The following NLRP6 variants were observed in gnomAD, a reference collection of about 807,000 sequenced individuals.
NLRP6 encodes the protein NACHT, LRR and PYD domains-containing protein 6.
Under a neutral mutation model 70.9 loss-of-function variants are expected in NLRP6, and 55 were observed. That is an observed-to-expected ratio of 0.78 (90% CI 0.62 to 0.97). The LOEUF (loss-of-function observed/expected upper bound fraction) is 0.97, where lower values mean the gene tolerates loss of function less well. NLRP6 is among the 50% of genes least tolerant of loss of function. The pLI is 0.00. For missense variants in NLRP6, 1,241 were observed against 1,238.3 expected, an observed-to-expected ratio of 1.00 and a Z score of -0.03; for synonymous variants, 652 against 581.9, an observed-to-expected ratio of 1.12 and a Z score of -1.73.
chr11:278,610 C>T lies in NLRP6; in HGVS notation c.29+12C>T. 6.3e-7 allele frequency: 1 copy of T among 1,580,936 alleles called. No individual in the cohort carries two copies. Among genetic ancestry groups the T allele is most frequent in the Non-Finnish European group, 8.6e-7 (1 of 1,164,732 alleles). On this transcript the variant is annotated intron_variant, in intron 1 of 7. Coordinates refer to ENST00000534750, the MANE Select transcript of NLRP6 (RefSeq NM_001276700.2). This position sits in a 1 kb window ranked among gnomAD's most constrained non-coding sequence, Gnocchi z 4.7. The stretch of plus-strand genomic sequence containing the variant: ...GCCCCCTGCTCCAGGTGAGTGCTGG[C>T]CCCAGGGTGGTCACTGGGAACCGGC...
Position 281,424 on chromosome 11 carries a change from G to C in NLRP6, c.1690G>C (p.Gly564Arg), listed in dbSNP as rs1180578843. Residue 564 changes from glycine (G) to arginine (R), a missense_variant, in exon 4 of 8, where the codon GGC (glycine) becomes CGC (arginine). By Grantham distance (125) the Gly-to-Arg change is moderately radical. Transcript: ENST00000534750. ...ERMRDIERHF[G>R]CMVSERVKQE... ...GATGCGCGACATCGAGCGCCACTTC[G>C]GCTGCATGGTTTCAGAGCGTGTGAA... 6.2e-7 allele frequency: 1 copy of C among 1,607,992 alleles called. No individual in the cohort carries two copies. The highest frequency in any genetic ancestry group is 2.2e-5 in the East Asian group (1 of 44,832).
Position 284,549 on chromosome 11 carries a change from C to G in NLRP6, c.2444C>G (p.Thr815Ser). 2 of 1,612,862 alleles carry G rather than the reference C, an allele frequency of 1.2e-6. No individual in the cohort carries two copies. ...CTTCGGCAGAGCCCTGCCCTGACCACCCTGGATCTCAGCGGCTGCCAACTG... is the reference window on the plus strand; with the variant it reads ...CTTCGGCAGAGCCCTGCCCTGACCAGCCTGGATCTCAGCGGCTGCCAACTG... ...GMLRQSPALT[T>S]LDLSGCQLPA... is the part of the protein sequence containing the mutation. The change falls in exon 7 of 8, where the codon ACC becomes AGC. Residue 815 changes from threonine to serine, a missense_variant. Transcript: ENST00000534750.
Position 284,328 on chromosome 11 carries a change from G to C in NLRP6, c.2297G>C (p.Arg766Thr), listed in dbSNP as rs142448057. The C allele has an allele frequency of 3.4e-4, 542 of 1,612,054 alleles. 3 individuals are homozygous for C. In the African/African-American group the frequency reaches 6.0e-3, roughly 18 times the overall value. Residue 766 changes from arginine to threonine, a missense_variant, in exon 6 of 8, where the codon AGG becomes ACG. By Grantham distance (71) the Arg-to-Thr change is moderately conservative. Coordinates refer to ENST00000534750, the MANE Select transcript of NLRP6 (RefSeq NM_001276700.2). ...ALTELGLLHNRLSEAGLRMLS... is the reference protein window; with the variant it reads ...ALTELGLLHNTLSEAGLRMLS... Reference sequence around the variant, plus strand: ...ACGGAGCTGGGCCTCCTCCACAACAGGCTCAGTGAGGCGGGACTGCGTATG... The same window carrying C: ...ACGGAGCTGGGCCTCCTCCACAACACGCTCAGTGAGGCGGGACTGCGTATG...
chr11:278,620 G>A lies in NLRP6; in HGVS notation c.29+22G>A. The A allele has an allele frequency of 6.4e-7, 1 of 1,573,372 alleles. No individual in the cohort carries two copies. The highest frequency in any genetic ancestry group is 8.6e-7 in the Non-Finnish European group (1 of 1,160,840). ...CCAGGTGAGTGCTGGCCCCAGGGTG[G>A]TCACTGGGAACCGGCTGGTCTCAGC... is the stretch of plus-strand genomic sequence containing the variant. On this transcript the variant is annotated intron_variant, in intron 1 of 7. Coordinates refer to ENST00000534750, the MANE Select transcript of NLRP6 (RefSeq NM_001276700.2). The surrounding 1 kb of genome is among the most constrained non-coding windows in gnomAD (Gnocchi z 4.7).
At position 280,116 on chromosome 11, in the gene NLRP6, C is replaced by A; in HGVS notation, c.382C>A (p.Gln128Lys). The A allele has an allele frequency of 6.5e-7, 1 of 1,529,706 alleles. No homozygotes were observed. The highest frequency in any genetic ancestry group is 8.8e-7 in the Non-Finnish European group (1 of 1,140,448). 94.8% of individuals were successfully genotyped at this position (1,529,706 alleles called of 1,614,324 possible). ...GAAGAAGTACCGGGAGCACGTGCTG[C>A]AGCTGCACGCTCGGGTGAAGGAGAG... ...YKKKYREHVLQLHARVKERNA... is the reference protein window; with the variant it reads ...YKKKYREHVLKLHARVKERNA... Residue 128 changes from glutamine (Q) to lysine (K), a missense_variant, in exon 4 of 8, where the codon CAG (glutamine) becomes AAG (lysine). Gln to Lys is a moderately conservative substitution (Grantham distance 53). Transcript: ENST00000534750.
intron 3 of NLRP6, 84 bp from the exon 4 acceptor site, chr11:280,000 G>A (rs4758627): frequency 0.35 from 498,953 of 1,411,680 alleles, 91,669 homozygotes; most frequent in Non-Finnish European, 0.37. Flanking sequence ...GCCTGAGCAG[G>A]GCCGGGGAGG....
At position 281,547 on chromosome 11, in the gene NLRP6, G is replaced by A; in HGVS notation, c.1813G>A (p.Glu605Lys). The A allele has an allele frequency of 1.9e-6, 3 of 1,610,968 alleles. No homozygotes were observed. Among genetic ancestry groups the A allele is most frequent in the African/African-American group, 2.7e-5 (2 of 75,040 alleles). The change falls in exon 4 of 8, where the codon GAG becomes AAG. Residue 605 changes from glutamate (E) to lysine (K), a missense_variant. Coordinates refer to ENST00000534750, the MANE Select transcript of NLRP6 (RefSeq NM_001276700.2). ...GGCCAAAGGGCTCGAGGACACCGAA[G>A]AGCCAGAGGAGGAGGAGGAGGGAGA... ...EGAKGLEDTE[E>K]PEEEEEGEEP...
rs1484535999 is a variant in NLRP6, at chr11:280,857, G to C, written c.1123G>C (p.Val375Leu). The C allele has an allele frequency of 6.2e-7, 1 of 1,613,436 alleles. No individual in the cohort carries two copies. Among genetic ancestry groups the C allele is most frequent in the Non-Finnish European group, 8.5e-7 (1 of 1,179,974 alleles). Residue 375 changes from valine to leucine, a missense_variant, in exon 4 of 8, where the codon GTG (valine) becomes CTG (leucine). Val to Leu is a conservative substitution (Grantham distance 32). Coordinates refer to ENST00000534750, the MANE Select transcript of NLRP6 (RefSeq NM_001276700.2). Reference sequence around the variant, plus strand: ...GAGGGCCGAGCGCGCCTACCGCTTCGTGAAGGAGAACGAGACGCTGTTCGC... The same window carrying C: ...GAGGGCCGAGCGCGCCTACCGCTTCCTGAAGGAGAACGAGACGCTGTTCGC... ...ERRAERAYRFVKENETLFALC... is the reference protein window; with the variant it reads ...ERRAERAYRFLKENETLFALC...
rs78244878 is a variant in NLRP6, at chr11:281,289, C to A, written c.1555C>A (p.Pro519Thr). ...CTACCTGCTGGAGGACGGCGGGGTG[C>A]CCAGGACCGCGGCTGGCGGCGTTGG... ...LSYLLEDGGV[P>T]RTAAGGVGTL... The change falls in exon 4 of 8, where the codon CCC (proline) becomes ACC (threonine). Residue 519 changes from proline (P) to threonine (T), a missense_variant. Coordinates refer to ENST00000534750, the MANE Select transcript of NLRP6 (RefSeq NM_001276700.2). 1.7e-3 allele frequency: 2,788 copies of A among 1,609,380 alleles called. 34 individuals carry two copies. The African/African-American group carries it at 0.032, about 18-fold the overall frequency.
At chr11:284,157 G>A in intron 5 of NLRP6, 73 bp from the exon 6 acceptor site, 3 of 1,384,800 alleles carry the variant, frequency 2.2e-6, no homozygotes, top group Middle Eastern at 1.8e-4. Context: ...CGGGCAGCGG[G>A]CATTTTGTGC....
At position 279,838 on chromosome 11, in the gene NLRP6, C is replaced by T. The variant is rs755229311; in HGVS notation, c.315C>T (p.Leu105=). The T allele has an allele frequency of 6.3e-7, 1 of 1,576,860 alleles. No individual in the cohort carries two copies. Among genetic ancestry groups the T allele is most frequent in the Non-Finnish European group, 8.6e-7 (1 of 1,164,940 alleles). Residue 105 remains leucine (L), a synonymous_variant, in exon 3 of 8, where the codon CTC becomes CTT. Transcript: ENST00000534750. ...AQLQERRLQR[L]GLGSGTLLSV... is the part of the protein sequence containing the mutation. ...TCACCCCAGTTTCCCTTCCAGGGCT[C>T]GGGCTCGGCTCCGGGACGCTGCTCT...
Position 278,673 on chromosome 11 carries a change from A to T in NLRP6, c.29+75A>T. 8.1e-7 allele frequency: 1 copy of T among 1,227,328 alleles called. No individual in the cohort carries two copies. Among genetic ancestry groups the T allele is most frequent in the African/African-American group, 1.5e-5 (1 of 64,588 alleles). The allele number at this position is 1,227,328 out of a possible 1,614,324, so 76.0% of individuals were successfully genotyped here. On this transcript the variant is annotated intron_variant, in intron 1 of 7. Coordinates refer to ENST00000534750, the MANE Select transcript of NLRP6 (RefSeq NM_001276700.2). This position sits in a 1 kb window ranked among gnomAD's most constrained non-coding sequence, Gnocchi z 4.7. ...TCTGGGGCCTCCACCTCACCCGCTG[A>T]CTTCCTCAGGCTCTCCACCCTTGTC...
Position 285,252 on chromosome 11 carries a change from C to A in NLRP6, c.2624C>A (p.Pro875Gln). The change falls in exon 8 of 8, where the codon CCA becomes CAA. Residue 875 changes from proline to glutamine, a missense_variant. Pro to Gln is a moderately conservative substitution (Grantham distance 76, BLOSUM62 -1). Coordinates refer to ENST00000534750, the MANE Select transcript of NLRP6 (RefSeq NM_001276700.2). ...RAKPDLVITH[P>Q]ALDGHPQPPK... ...AAGCCGGATCTGGTCATCACACACCCAGCGCTGGACGGCCACCCACAACCT... is the reference window on the plus strand; with the variant it reads ...AAGCCGGATCTGGTCATCACACACCAAGCGCTGGACGGCCACCCACAACCT... The A allele has an allele frequency of 6.2e-7, 1 of 1,607,714 alleles. No individual in the cohort carries two copies. The highest frequency in any genetic ancestry group is 8.5e-7 in the Non-Finnish European group (1 of 1,176,786).
Position 281,397 on chromosome 11 carries a change from C to T in NLRP6, c.1663C>T (p.Arg555Trp), listed in dbSNP as rs1407874520. The T allele has an allele frequency of 1.2e-6, 2 of 1,609,010 alleles. No individual in the cohort carries two copies. Among genetic ancestry groups the T allele is most frequent in the African/African-American group, 1.3e-5 (1 of 74,866 alleles). The change falls in exon 4 of 8, where the codon CGG (arginine) becomes TGG (tryptophan). Residue 555 changes from arginine (R) to tryptophan (W), a missense_variant. Transcript: ENST00000534750. ...CCTCTTCGGACTGCTGAGCGCGGAG[C>T]GGATGCGCGACATCGAGCGCCACTT... ...RFLFGLLSAERMRDIERHFGC... is the reference protein window; with the variant it reads ...RFLFGLLSAEWMRDIERHFGC...
At position 280,529 on chromosome 11, in the gene NLRP6, G is replaced by A. The variant is rs199475803; in HGVS notation, c.795G>A (p.Pro265=). The A allele has an allele frequency of 8.6e-4, 1,344 of 1,560,754 alleles. 1 individual carries two copies. Among genetic ancestry groups the A allele is most frequent in the Admixed American group, 1.7e-3 (93 of 55,166 alleles). ...DQCPDRGAPV[P]QMLAQPQRLL... ...GCCCCGACCGCGGCGCGCCGGTGCC[G>A]CAGATGCTGGCCCAGCCGCAGCGGC... is the stretch of plus-strand genomic sequence containing the variant. The change falls in exon 4 of 8, where the codon CCG becomes CCA. Residue 265 remains proline (P), a synonymous_variant. Transcript: ENST00000534750.
intron 7 of NLRP6, 92 bp from the exon 8 acceptor site, chr11:285,074 C>A (rs1182085386): frequency 1.7e-6 from 2 of 1,155,794 alleles, no homozygotes; most frequent in Non-Finnish European, 2.5e-6. Context: ...CCCGTCACTG[C>A]CCGCGGCCCG....
chr11:281,314 G>A lies in NLRP6; in HGVS notation c.1580G>A (p.Gly527Glu). 1 of 1,610,052 alleles carries A rather than the reference G, an allele frequency of 6.2e-7. No homozygotes were observed. Among genetic ancestry groups the A allele is most frequent in the Non-Finnish European group, 8.5e-7 (1 of 1,178,340 alleles). The change falls in exon 4 of 8, where the codon GGG becomes GAG. Residue 527 changes from glycine to glutamate, a missense_variant. Gly to Glu is a moderately conservative substitution (Grantham distance 98, BLOSUM62 -2). Coordinates refer to ENST00000534750, the MANE Select transcript of NLRP6 (RefSeq NM_001276700.2). ...CCCAGGACCGCGGCTGGCGGCGTTG[G>A]GACACTCCTGCGTGGGGACGCCCAG... is the stretch of plus-strand genomic sequence containing the variant. ...GVPRTAAGGVGTLLRGDAQPH... is the reference protein window; with the variant it reads ...GVPRTAAGGVETLLRGDAQPH...
In NLRP6 at chr11:278,967, C is replaced by T. The variant is rs1395433276; in HGVS notation, c.30-360C>T. The T allele has an allele frequency of 8.6e-6, 3 of 346,860 alleles. No homozygotes were observed. The highest frequency in any genetic ancestry group is 4.8e-5 in the Admixed American group (1 of 20,670). The allele number at this position is 346,860 out of a possible 1,614,324, so 21.5% of individuals were successfully genotyped here. ...AGCGAGGAAAGAGAGCTCAGGGTTC[C>T]TTGGAAATACCTCCCTCGGGGCATG... On this transcript the variant is annotated intron_variant, in intron 1 of 7. Coordinates refer to ENST00000534750, the MANE Select transcript of NLRP6 (RefSeq NM_001276700.2). The surrounding 1 kb of genome is among the most constrained non-coding windows in gnomAD (Gnocchi z 4.7).
intron 1 of NLRP6, 186 bp from the exon 2 acceptor site, chr11:279,141 A>G: frequency 2.1e-6 from 1 of 469,586 alleles, no homozygotes; most frequent in Non-Finnish European, 3.4e-6. Context: ...GGGTCCGGGG[A>G]CGGGGGAGGG....
Sources: allele counts gnomAD v4.1 joint callset, GRCh38; gene constraint gnomAD v4.1.1; non-coding constraint Gnocchi (gnomAD v3.1); transcripts MANE v1.5; gene names NCBI Gene and HGNC (gene_info 2026-07-23, HGNC 2026-07-21).